GCA: variants seen among roughly 807,000 people sequenced by gnomAD.
GCA encodes the protein grancalcin.
Under a neutral mutation model 32.6 loss-of-function variants are expected in GCA, and 30 were observed. That is an observed-to-expected ratio of 0.92 (90% CI 0.69 to 1.25). GCA has a LOEUF of 1.25. Among genes scored for constraint, GCA ranks in the 50% most tolerant of loss-of-function variants. The pLI is 0.00. For missense variants in GCA, 291 were observed against 266.8 expected (o/e 1.09, Z -0.63); for synonymous variants, 102 against 84.6 (o/e 1.21, Z -1.13).
chr2:162,346,436 G>T (rs180694877), intron 1 of GCA: 1 of 152,242 alleles, frequency 6.6e-6, no homozygotes, highest in African/African-American at 2.4e-5. Context: ...TCCCCTTATC[G>T]AAAGGCACAG....
In GCA at chr2:162,362,471, T is replaced by G; in HGVS notation, c.*2228T>G. 1.0e-6 allele frequency: 1 copy of G among 966,268 alleles called. No homozygotes were observed. The highest frequency in any genetic ancestry group is 1.2e-6 in the Non-Finnish European group (1 of 812,646). 59.9% of individuals were successfully genotyped at this position (966,268 alleles called of 1,614,324 possible). A position where few individuals can be genotyped will look rare whatever the true frequency, so the allele number is the denominator to read the frequency against. On this transcript the variant is annotated 3_prime_UTR_variant, in exon 8 of 8. Coordinates refer to ENST00000437150, the MANE Select transcript of GCA (RefSeq NM_012198.5). ...GATGAACATGACTGTAATATGAATA[T>G]AGTATAGTAGTTTGCACTGGTTAAC...
chr2:162,366,747 T>A (rs1000537191), downstream of GCA, among the ~76,000 whole-genome samples: 8 of 151,922 alleles, frequency 5.3e-5, no homozygotes, highest in African/African-American at 1.9e-4. Flanking sequence ...TAGAAAACAA[T>A]TGCAATGCAA....
At chr2:162,350,332 G>C (rs1684927984) in intron 2 of GCA, among the ~76,000 whole-genome samples, 1 of 152,158 alleles carries the variant, frequency 6.6e-6, no homozygotes, top group Non-Finnish European at 1.5e-5. Context: ...AAGACCTATA[G>C]ATAGGGAATG....
chr2:162,357,306 TTAGA>T (rs760122232), intron 5 of GCA, among the ~76,000 whole-genome samples: 37 of 151,834 alleles, frequency 2.4e-4, no homozygotes, highest in African/African-American at 3.6e-4. Context: ...CTTTTTTTTC[TTAGA>T]TAGTGCAGAA....
intron 1 of GCA, 23 bp downstream of exon 1, chr2:162,344,298 T>A: frequency 6.2e-7 from 1 of 1,612,486 alleles, no homozygotes; most frequent in Non-Finnish European, 8.5e-7. Flanking sequence ...CGCTTGGTCG[T>A]GTCCCTCTTC....
chr2:162,324,949 G>C (rs1211566810), intron 1 of GCA, among the ~76,000 whole-genome samples: 1 of 152,104 alleles, frequency 6.6e-6, no homozygotes, highest in Non-Finnish European at 1.5e-5. Flanking sequence ...ATCGTCCGAG[G>C]CTCCGATTGC....
At chr2:162,323,259 G>GT (rs551470785) in intron 1 of GCA, among the ~76,000 whole-genome samples, 2 of 151,726 alleles carry the variant, frequency 1.3e-5, no homozygotes, top group African/African-American at 4.9e-5. Flanking sequence ...GGGGTTGTTT[G>GT]TTTTTTTCTT....
downstream of GCA, among the ~76,000 whole-genome samples, chr2:162,372,693 G>A (rs1252488271): frequency 4.0e-5 from 6 of 151,776 alleles, no homozygotes; most frequent in Admixed American, 3.3e-4. Flanking sequence ...TTAAATTCCC[G>A]AACATCTAAA....
chr2:162,343,942 G>A, upstream of GCA: 1 of 395,484 alleles, frequency 2.5e-6, no homozygotes, highest in East Asian at 4.0e-5. Context: ...GCCAGTAAGA[G>A]TCGAGCAGGG....
At chr2:162,371,845 C>A (rs1485998632), downstream of GCA, 1 of 1,608,806 alleles carries the variant, frequency 6.2e-7, no homozygotes, top group African/African-American at 1.3e-5. Context: ...CCCTGGAAGA[C>A]CAGGATCAGA....
At chr2:162,331,931 G>C (rs1684098920) in intron 1 of GCA, among the ~76,000 whole-genome samples, 1 of 152,104 alleles carries the variant, frequency 6.6e-6, no homozygotes, top group Admixed American at 6.6e-5. Context: ...CATGTAGTCT[G>C]GAACATTCAT....
chr2:162,371,705 C>T, downstream of GCA: 2 of 956,608 alleles, frequency 2.1e-6, no homozygotes, highest in Non-Finnish European at 3.0e-6. Context: ...GGAAAATATA[C>T]AGTACTTTTG....
intron 1 of GCA, among the ~76,000 whole-genome samples, chr2:162,338,722 C>T (rs1230447254): frequency 6.6e-6 from 1 of 152,122 alleles, no homozygotes. Flanking sequence ...CTGATCTTAC[C>T]TGAAAAGCAG....
At chr2:162,357,011 T>G (rs1003161774) in intron 5 of GCA, 106 bp downstream of exon 5, 10 of 733,096 alleles carry the variant, frequency 1.4e-5, no homozygotes, top group African/African-American at 8.8e-5. Context: ...TGTATTTTTT[T>G]GCCAGCAAGT....
At chr2:162,366,686 C>A (rs967075968), downstream of GCA, among the ~76,000 whole-genome samples, 1 of 151,830 alleles carries the variant, frequency 6.6e-6, no homozygotes, top group African/African-American at 2.4e-5. Flanking sequence ...CAAGAAAAAA[C>A]TTTGGGAACA....
At chr2:162,325,373 A>G (rs962818991) in intron 1 of GCA, among the ~76,000 whole-genome samples, 4 of 152,152 alleles carry the variant, frequency 2.6e-5, no homozygotes, top group African/African-American at 9.7e-5. Context: ...GTCCTCTAAC[A>G]TACTGTCTGC....
At chr2:162,334,456 G>A (rs570624924) in intron 1 of GCA, among the ~76,000 whole-genome samples, 1 of 152,180 alleles carries the variant, frequency 6.6e-6, no homozygotes. Context: ...AAGCTGCTCA[G>A]GGCCCAAGAT....
chr2:162,349,871 A>G (rs957726830), intron 2 of GCA, among the ~76,000 whole-genome samples: 4 of 152,206 alleles, frequency 2.6e-5, no homozygotes, highest in Non-Finnish European at 4.4e-5. Context: ...AATGGTCAAG[A>G]AAGATTTATT....
intron 1 of GCA, 101 bp downstream of exon 1, chr2:162,344,376 C>A (rs939272241): frequency 2.1e-5 from 24 of 1,133,658 alleles, no homozygotes; most frequent in Admixed American, 1.6e-4. Context: ...CTGCTCCCTG[C>A]GTCCGCGCCT....
Sources: allele counts gnomAD v4.1 joint callset (sites outside exome capture counted in the v4.1 genomes callset), GRCh38; gene constraint gnomAD v4.1.1; transcripts MANE v1.5; gene names NCBI Gene and HGNC (gene_info 2026-07-23, HGNC 2026-07-21).